SNX17: variants seen among roughly 807,000 people sequenced by gnomAD.
SNX17 encodes sorting nexin 17, also known as sorting nexin-17.
A neutral mutation model predicts 64.3 loss-of-function variants in SNX17; 35 were observed. The observed-to-expected ratio is 0.54, with a 90% CI of 0.42 to 0.72. SNX17 has a LOEUF of 0.72. SNX17 is among the 30% of genes least tolerant of loss of function. The pLI is 0.00. For missense variants in SNX17, 538 were observed against 610.0 expected (o/e 0.88, Z 1.24); for synonymous variants, 259 against 230.2 (o/e 1.13, Z -1.13).
chr2:27,372,194 C>T (rs1403866897), intron 2 of SNX17, among the ~76,000 whole-genome samples: 1 of 152,180 alleles, frequency 6.6e-6, no homozygotes, highest in African/African-American at 2.4e-5. Flanking sequence ...TTCTTTGGGC[C>T]TCAGTTTCTA....
At position 27,377,462 on chromosome 2, in the gene SNX17, T is replaced by C. The variant is rs1334620304; in HGVS notation, c.*743T>C. 4 of 1,471,436 alleles carry C rather than the reference T, an allele frequency of 2.7e-6. No individual in the cohort carries two copies. Among genetic ancestry groups the C allele is most frequent in the Non-Finnish European group, 3.8e-6 (4 of 1,060,428 alleles). The allele number at this position is 1,471,436 out of a possible 1,614,324, so 91.1% of individuals were successfully genotyped here. The stretch of plus-strand genomic sequence containing the variant: ...CTGGTCCTTATAGTGCCTACGTTAG[T>C]CTGTGTGGAGCCCCTGGCCAGCGGG... On this transcript the variant is annotated 3_prime_UTR_variant, in exon 15 of 15. Transcript: ENST00000233575. This position sits in a 1 kb window ranked among gnomAD's most constrained non-coding sequence, Gnocchi z 4.4.
At position 27,377,354 on chromosome 2, in the gene SNX17, G is replaced by T; in HGVS notation, c.*635G>T. On this transcript the variant is annotated 3_prime_UTR_variant, in exon 15 of 15. Coordinates refer to ENST00000233575, the MANE Select transcript of SNX17 (RefSeq NM_014748.4). The surrounding 1 kb of genome is among the most constrained non-coding windows in gnomAD (Gnocchi z 4.4). ...TGGGGGCAGTGGAGGTGAATACAGGGCCCTTCTCACTGAGCTCGTGAAGTG... is the reference window on the plus strand; with the variant it reads ...TGGGGGCAGTGGAGGTGAATACAGGTCCCTTCTCACTGAGCTCGTGAAGTG... 1.4e-6 allele frequency: 1 copy of T among 717,124 alleles called. No homozygotes were observed. The highest frequency in any genetic ancestry group is 2.5e-6 in the Non-Finnish European group (1 of 399,056). 44.4% of individuals were successfully genotyped at this position (717,124 alleles called of 1,614,324 possible).
intron 2 of SNX17, 107 bp downstream of exon 2, chr2:27,371,450 C>T: frequency 6.9e-7 from 1 of 1,459,738 alleles, no homozygotes; most frequent in South Asian, 1.4e-5. Flanking sequence ...TGTAGTTCCC[C>T]TTTAATCACT....
intron 6 of SNX17, 80 bp from the exon 7 acceptor site, chr2:27,374,266 A>G (rs1277517760): frequency 1.3e-6 from 2 of 1,503,664 alleles, no homozygotes; most frequent in African/African-American, 2.8e-5. Flanking sequence ...CAGAATGAAC[A>G]TTGCCTCAGG....
intron 1 of SNX17, 114 bp from the exon 2 acceptor site, chr2:27,371,155 C>T (rs1682473840): frequency 3.2e-6 from 3 of 950,902 alleles, no homozygotes; most frequent in East Asian, 2.5e-5. Context: ...CGAACTATCC[C>T]TCGGGAGATT....
chr2:27,370,715 G>A lies in SNX17; in HGVS notation c.-29G>A, dbSNP rs997620524. 4.5e-6 allele frequency: 7 copies of A among 1,540,220 alleles called. No homozygotes were observed. The African/African-American group carries it at 9.6e-5, about 21-fold the overall frequency. Reference sequence around the variant, plus strand: ...GAGCCGCTGCGGCCCTCACAGTCCGGAGCCCGGCCGTGCCGTGCCGTAGGG... The same window carrying A: ...GAGCCGCTGCGGCCCTCACAGTCCGAAGCCCGGCCGTGCCGTGCCGTAGGG... On this transcript the variant is annotated 5_prime_UTR_variant, in exon 1 of 15. Coordinates refer to ENST00000233575, the MANE Select transcript of SNX17 (RefSeq NM_014748.4).
At chr2:27,374,594 G>C in intron 7 of SNX17, 95 bp from the exon 8 acceptor site, 1 of 1,339,102 alleles carries the variant, frequency 7.5e-7, no homozygotes, top group Non-Finnish European at 1.1e-6. Context: ...GCCCCTGATA[G>C]TTCCAGATTG....
chr2:27,377,287 T>A lies in SNX17; in HGVS notation c.*568T>A, dbSNP rs934596594. On this transcript the variant is annotated 3_prime_UTR_variant, in exon 15 of 15. Coordinates refer to ENST00000233575, the MANE Select transcript of SNX17 (RefSeq NM_014748.4). The surrounding 1 kb of genome is among the most constrained non-coding windows in gnomAD (Gnocchi z 4.4). ...CACTGAAATAAGTTAAATAAACAGG[T>A]GGGAGGCTGGGCAGTCCCCCAGCCG... 4.8e-6 allele frequency: 3 copies of A among 628,678 alleles called. No homozygotes were observed. Among genetic ancestry groups the A allele is most frequent in the Non-Finnish European group, 8.6e-6 (3 of 350,378 alleles). The allele number at this position is 628,678 out of a possible 1,614,324, so 38.9% of individuals were successfully genotyped here.
At chr2:27,374,013 C>A in intron 5 of SNX17, 42 bp downstream of exon 5, 1 of 1,604,108 alleles carries the variant, frequency 6.2e-7, no homozygotes, top group South Asian at 1.1e-5. Context: ...CCCCTACATC[C>A]TGGGGTCCTG....
Position 27,376,127 on chromosome 2 carries a change from T to C in SNX17, c.1126T>C (p.Leu376=), listed in dbSNP as rs759682412. ...TCAGGCTATCATGATGAGCATCTGC[T>C]TGCAGTCCATGGTTGATGAACTGAT... is the stretch of plus-strand genomic sequence containing the variant. ...SPQAIMMSIC[L]QSMVDELMVK... The change falls in exon 12 of 15, where the codon TTG becomes CTG. Residue 376 remains leucine, a synonymous_variant. Transcript: ENST00000233575. 1 of 1,614,120 alleles carries C rather than the reference T, an allele frequency of 6.2e-7. No homozygotes were observed. Among genetic ancestry groups the C allele is most frequent in the Non-Finnish European group, 8.5e-7 (1 of 1,180,014 alleles).
At position 27,374,348 on chromosome 2, in the gene SNX17, G is replaced by C. The variant is rs1682949793; in HGVS notation, c.526G>C (p.Val176Leu). 1 of 1,595,008 alleles carries C rather than the reference G, an allele frequency of 6.3e-7. No homozygotes were observed. Residue 176 changes from valine (V) to leucine (L), a missense_variant and splice_region_variant, in exon 7 of 15, where the codon GTA (valine) becomes CTA (leucine). Val to Leu is a conservative substitution (Grantham distance 32, BLOSUM62 1). Around this residue, in one of 3 missense-constraint regions of SNX17, gnomAD observed 505 missense variants for 550.4 expected, o/e 0.92. Coordinates refer to ENST00000233575, the MANE Select transcript of SNX17 (RefSeq NM_014748.4). ...REKEDGAFSF[V>L]RKLQEFELPY... ...ATTTTTTTTTTTTTAACCTGTAGTT[G>C]TACGGAAGTTGCAAGAGTTTGAGCT...
At chr2:27,373,528 C>A (rs6547589) in intron 4 of SNX17, 223,265 of 551,116 alleles carry the variant, frequency 0.41, 49,622 homozygotes, top group African/African-American at 0.69. Context: ...ATGTCCGGCT[C>A]ATTTTTGTAT....
intron 4 of SNX17, 107 bp downstream of exon 4, chr2:27,373,418 A>G: frequency 8.8e-7 from 1 of 1,141,738 alleles, no homozygotes; most frequent in Non-Finnish European, 1.3e-6. Context: ...GCTGGAGTGC[A>G]GTGGTGCGAT....
At chr2:27,373,072 A>C in intron 3 of SNX17, 175 bp from the exon 4 acceptor site, 1 of 1,552,522 alleles carries the variant, frequency 6.4e-7, no homozygotes. Flanking sequence ...GATGGCAGCC[A>C]AGGGTGGGGC....
chr2:27,374,237 A>G, intron 6 of SNX17, 62 bp downstream of exon 6: 8 of 1,293,586 alleles, frequency 6.2e-6, no homozygotes, highest in Non-Finnish European at 7.8e-6. Flanking sequence ...CAGCCCCCCT[A>G]ACTCCCCACC....
In SNX17 at chr2:27,374,759, G is replaced by A. The variant is rs1380708912; in HGVS notation, c.681+1G>A. On this transcript the variant is annotated splice_donor_variant, in intron 8 of 14. Coordinates refer to ENST00000233575, the MANE Select transcript of SNX17 (RefSeq NM_014748.4). LOFTEE classifies it high-confidence loss of function. ...TGGCCTGAACCTGCTTTATGCTCAG[G>A]TGAGCTTGGAGCTGCCTCAGAACCC... The A allele has an allele frequency of 1.2e-6, 2 of 1,613,880 alleles. No homozygotes were observed. Among genetic ancestry groups the A allele is most frequent in the Non-Finnish European group, 1.7e-6 (2 of 1,179,898 alleles).
chr2:27,376,151 A>T lies in SNX17; in HGVS notation c.1150A>T (p.Met384Leu). 2 of 1,614,088 alleles carry T rather than the reference A, an allele frequency of 1.2e-6. No homozygotes were observed. The highest frequency in any genetic ancestry group is 1.7e-6 in the Non-Finnish European group (2 of 1,180,008). ...ICLQSMVDELMVKKSGGSIRK... is the reference protein window; with the variant it reads ...ICLQSMVDELLVKKSGGSIRK... ...CTTGCAGTCCATGGTTGATGAACTG[A>T]TGGTGAAGAAATCTGGCGGCAGTAT... The change falls in exon 12 of 15, where the codon ATG (methionine) becomes TTG (leucine). Residue 384 changes from methionine (M) to leucine (L), a missense_variant. Coordinates refer to ENST00000233575, the MANE Select transcript of SNX17 (RefSeq NM_014748.4).
In SNX17 at chr2:27,374,380, T is replaced by C. The variant is rs1354249167; in HGVS notation, c.558T>C (p.Tyr186=). The C allele has an allele frequency of 2.5e-6, 4 of 1,614,032 alleles. No individual in the cohort carries two copies. In the South Asian group the frequency reaches 4.4e-5, roughly 18 times the overall value. The change falls in exon 7 of 15, where the codon TAT becomes TAC. Residue 186 remains tyrosine (Y), a synonymous_variant. Transcript: ENST00000233575. ...AGTTGCAAGAGTTTGAGCTGCCTTATGTGTCTGTCACCAGCCTTCGGAGTC... is the reference window on the plus strand; with the variant it reads ...AGTTGCAAGAGTTTGAGCTGCCTTACGTGTCTGTCACCAGCCTTCGGAGTC... The part of the protein sequence containing the change: ...VRKLQEFELP[Y]VSVTSLRSQE...
chr2:27,371,447 C>G, intron 2 of SNX17, 104 bp downstream of exon 2: 2 of 1,463,528 alleles, frequency 1.4e-6, no homozygotes, highest in Non-Finnish European at 1.8e-6. Flanking sequence ...GGCTGTAGTT[C>G]CCCTTTAATC....
Sources: allele counts gnomAD v4.1 joint callset (sites outside exome capture counted in the v4.1 genomes callset), GRCh38; gene constraint gnomAD v4.1.1; regional missense constraint gnomAD v4.1.1; non-coding constraint Gnocchi (gnomAD v3.1); transcripts MANE v1.5; gene names NCBI Gene and HGNC (gene_info 2026-07-23, HGNC 2026-07-21).